The following THAP10 variants were observed in gnomAD, a reference collection of about 807,000 sequenced individuals.
The protein encoded by THAP10 is THAP domain-containing protein 10.
A neutral mutation model predicts 15.7 loss-of-function variants in THAP10; 10 were observed. The observed-to-expected ratio is 0.64, with a 90% confidence interval of 0.39 to 1.08. The LOEUF is 1.08. THAP10 is among the 50% of genes least tolerant of loss of function. THAP10 has a pLI of 0.01. For missense variants in THAP10, 310 were observed against 330.9 expected (o/e 0.94, Z 0.49); for synonymous variants, 127 against 129.1 (o/e 0.98, Z 0.11).
At chr15:70,882,712 T>A (rs375706115) in intron 2 of THAP10, 49 bp downstream of exon 2, 2 of 1,612,656 alleles carry the variant, frequency 1.2e-6, no homozygotes, top group African/African-American at 2.7e-5. Context: ...ATCTTTAATA[T>A]ACGAAAGATC....
intron 1 of THAP10, among the ~76,000 whole-genome samples, chr15:70,889,180 C>T (rs1056154663): frequency 1.3e-5 from 2 of 152,004 alleles, no homozygotes; most frequent in South Asian, 2.1e-4. Context: ...TGGGTAAAAA[C>T]CCAAATGTTC....
chr15:70,891,567 C>CTGTGTGTGTGTGTGTGTGTG (rs3220843), intron 1 of THAP10, among the ~76,000 whole-genome samples: 23 of 137,048 alleles, frequency 1.7e-4, no homozygotes, highest in Admixed American at 6.8e-4. Flanking sequence ...GGACAAGACT[C>CTGTGTGTGTGTGTGTGTGTG]TGTGTGTGTG....
intron 1 of THAP10, among the ~76,000 whole-genome samples, chr15:70,886,793 G>A (rs1812420): frequency 0.011 from 1,602 of 152,188 alleles, 10 homozygotes; most frequent in Non-Finnish European, 0.017. Context: ...TTGAACCCGG[G>A]TGGCAGAGGT....
chr15:70,891,940 C>G lies in THAP10; in HGVS notation c.333G>C (p.Thr111=), dbSNP rs761596117. 5 of 1,613,534 alleles carry G rather than the reference C, an allele frequency of 3.1e-6. No homozygotes were observed. Among genetic ancestry groups the G allele is most frequent in the Non-Finnish European group, 4.2e-6 (5 of 1,179,876 alleles). The change falls in exon 1 of 3, where the codon ACG becomes ACC. Residue 111 remains threonine, a synonymous_variant. Coordinates refer to ENST00000249861, the MANE Select transcript of THAP10 (RefSeq NM_020147.4). ...EEGDQAGRLD[T]RGELQAARHS... is the part of the protein sequence containing the mutation. ...GCCTGGCTGCCTGGAGCTCTCCTCG[C>G]GTGTCCAGGCGGCCTGCTTGGTCTC...
chr15:70,889,131 T>C (rs1380078272), intron 1 of THAP10, among the ~76,000 whole-genome samples: 2 of 152,172 alleles, frequency 1.3e-5, no homozygotes, highest in Non-Finnish European at 2.9e-5. Context: ...AAAACACATA[T>C]ACAAGAGTTT....
chr15:70,882,966 T>C, intron 1 of THAP10, 58 bp from the exon 2 acceptor site: 2 of 1,570,856 alleles, frequency 1.3e-6, no homozygotes, highest in South Asian at 2.3e-5. Context: ...GATTTTATCT[T>C]TCAAAAGTTA....
chr15:70,890,433 A>C (rs2033524274), intron 1 of THAP10, among the ~76,000 whole-genome samples: 1 of 152,250 alleles, frequency 6.6e-6, no homozygotes, highest in African/African-American at 2.4e-5. Context: ...TCATGTAATC[A>C]TTCCATAAAT....
intron 1 of THAP10, among the ~76,000 whole-genome samples, chr15:70,888,804 G>A (rs2033476202): frequency 1.3e-5 from 2 of 152,102 alleles, no homozygotes; most frequent in African/African-American, 4.8e-5. Flanking sequence ...AGATTTAAAA[G>A]GGCATGTCAC....
Position 70,882,478 on chromosome 15 carries a change from T to TC in THAP10, c.749_750insG (p.Gln251ThrfsTer16). The TC allele has an allele frequency of 2.5e-6, 4 of 1,613,066 alleles. No homozygotes were observed. The African/African-American group carries it at 5.3e-5, about 21-fold the overall frequency. On this transcript the variant is annotated frameshift_variant, in exon 3 of 3. Coordinates refer to ENST00000249861, the MANE Select transcript of THAP10 (RefSeq NM_020147.4). LOFTEE classifies it high-confidence loss of function. The stretch of plus-strand genomic sequence containing the variant: ...TTTAACATGTTTCTTCTTTCACCTG[T>TC]ACAGCCATATAAGACAAATCACTCT...
At chr15:70,884,276 G>A (rs191850981) in intron 1 of THAP10, among the ~76,000 whole-genome samples, 6 of 152,100 alleles carry the variant, frequency 3.9e-5, no homozygotes, top group Admixed American at 2.6e-4. Context: ...AGTAGCTCAC[G>A]CCTCCCAGCA....
chr15:70,887,558 T>C (rs575931941), intron 1 of THAP10, among the ~76,000 whole-genome samples: 101 of 152,172 alleles, frequency 6.6e-4, no homozygotes, highest in Admixed American at 1.4e-3. Flanking sequence ...AAATTCACCA[T>C]TATTTATAAT....
intron 1 of THAP10, among the ~76,000 whole-genome samples, chr15:70,889,802 GAC>G (rs1202151242): frequency 6.6e-6 from 1 of 152,118 alleles, no homozygotes; most frequent in African/African-American, 2.4e-5. Flanking sequence ...CTGATTTTTA[GAC>G]AGTTAGTCCT....
intron 1 of THAP10, among the ~76,000 whole-genome samples, chr15:70,887,279 T>C (rs909399909): frequency 3.3e-5 from 5 of 152,078 alleles, no homozygotes; most frequent in Non-Finnish European, 7.4e-5. Context: ...GTTGGCATAA[T>C]CTTCATACCA....
At chr15:70,884,831 CCATA>C (rs575971242) in intron 1 of THAP10, among the ~76,000 whole-genome samples, 68 of 152,206 alleles carry the variant, frequency 4.5e-4, no homozygotes, top group South Asian at 1.7e-3. Context: ...AAAATTTGCA[CCATA>C]CAGAGAAGCA....
rs796152629 is a variant in THAP10, at chr15:70,891,567, C to G, written c.429+277G>C. 1.2e-3 allele frequency among the ~76,000 whole-genome samples: 165 copies of G among 137,142 alleles called. 2 individuals are homozygous for G. The highest frequency in any genetic ancestry group is 2.7e-3 in the South Asian group (11 of 4,020). 90.0% of individuals were successfully genotyped at this position (137,142 alleles called of 152,430 possible). A position where few individuals can be genotyped will look rare whatever the true frequency, so the allele number is the denominator to read the frequency against. ...ACTCACTACTCTGCAGGACAAGACT[C>G]TGTGTGTGTGTGTGTGTGTGTGTGT... On this transcript the variant is annotated intron_variant, in intron 1 of 2. Transcript: ENST00000249861.
chr15:70,882,957 A>T (rs1528828), intron 1 of THAP10, 49 bp from the exon 2 acceptor site: 1 of 1,596,112 alleles, frequency 6.3e-7, no homozygotes, highest in Non-Finnish European at 8.6e-7. Context: ...ACCTTATAGG[A>T]TTTTATCTTT....
intron 1 of THAP10, among the ~76,000 whole-genome samples, chr15:70,889,335 A>G (rs2033491959): frequency 1.3e-5 from 2 of 152,086 alleles, no homozygotes; most frequent in African/African-American, 2.4e-5. Context: ...AAATGGCTAC[A>G]GTATGATTTG....
intron 1 of THAP10, among the ~76,000 whole-genome samples, chr15:70,885,295 T>C (rs988882421): frequency 2.0e-5 from 3 of 152,094 alleles, no homozygotes; most frequent in Non-Finnish European, 4.4e-5. Flanking sequence ...TAACATAAAA[T>C]GGGGCAGACG....
intron 1 of THAP10, among the ~76,000 whole-genome samples, chr15:70,889,687 A>C (rs747130690): frequency 6.6e-6 from 1 of 152,204 alleles, no homozygotes; most frequent in Admixed American, 6.5e-5. Context: ...GAAGCCCCCT[A>C]AAGATATGTA....
Sources: gnomAD v4.1 joint callset for allele counts (sites outside exome capture counted in the v4.1 genomes callset) on GRCh38, gnomAD v4.1.1 for gene constraint, MANE v1.5 for transcripts, NCBI Gene and HGNC (gene_info 2026-07-23, HGNC 2026-07-21) for gene names.